Variants in AFG3L2 observed in about 807,000 individuals in gnomAD.
The protein encoded by AFG3L2 is AFG3 like matrix AAA peptidase subunit 2, also known as mitochondrial inner membrane m-AAA protease component AFG3L2.
AFG3L2 carries 54 observed loss-of-function variants against 94.5 expected under a neutral mutation model. The observed-to-expected ratio is 0.57, with a 90% confidence interval of 0.46 to 0.72. The LOEUF (loss-of-function observed/expected upper bound fraction) is 0.72. AFG3L2 is among the 30% of genes least tolerant of loss of function. AFG3L2 has a pLI of 0.00. For missense variants in AFG3L2, 754 were observed against 994.9 expected, an observed-to-expected ratio of 0.76 and a Z score of 3.26; for synonymous variants, 377 against 365.5, an observed-to-expected ratio of 1.03 and a Z score of -0.36.
intron 9 of AFG3L2, among the ~76,000 whole-genome samples, chr18:12,353,541 A>C (rs1908392039): frequency 6.7e-6 from 1 of 149,556 alleles, no homozygotes; most frequent in Admixed American, 6.7e-5. Flanking sequence ...AAAAAAAATG[A>C]AATAAATCTT....
chr18:12,366,217 T>C (rs896734215), intron 5 of AFG3L2, among the ~76,000 whole-genome samples: 1 of 152,172 alleles, frequency 6.6e-6, no homozygotes, highest in Non-Finnish European at 1.5e-5. Flanking sequence ...TATTTTAACA[T>C]CAGAAATGGA....
At chr18:12,375,240 C>A (rs1909110886) in intron 1 of AFG3L2, among the ~76,000 whole-genome samples, 1 of 148,778 alleles carries the variant, frequency 6.7e-6, no homozygotes, top group Non-Finnish European at 1.5e-5. Context: ...CACTATTATT[C>A]CCCCTCCCCA....
At chr18:12,362,998 G>C (rs1373736193) in intron 6 of AFG3L2, among the ~76,000 whole-genome samples, 1 of 152,206 alleles carries the variant, frequency 6.6e-6, no homozygotes, top group East Asian at 1.9e-4. Context: ...GAGGGAATGG[G>C]AAATCAAGAC....
rs1418449589 is a variant in AFG3L2 at position 12,344,431 on chromosome 18, T to C, written c.1664-184A>G. 9 of 597,196 alleles carry C rather than the reference T, an allele frequency of 1.5e-5. No homozygotes were observed. The East Asian group carries it at 2.6e-4, about 17-fold the overall frequency. 37.0% of individuals were successfully genotyped at this position (597,196 alleles called of 1,614,324 possible). The stretch of plus-strand genomic sequence containing the variant: ...GGCTCATGCCTGTAATCCCAGCACT[T>C]TGGGAGGCTGAGGTGGTCCAATCAC... On this transcript the variant is annotated intron_variant, in intron 13 of 16. Coordinates refer to ENST00000269143, the MANE Select transcript of AFG3L2 (RefSeq NM_006796.3).
chr18:12,370,795 C>T, intron 3 of AFG3L2, 54 bp downstream of exon 3: 2 of 1,171,030 alleles, frequency 1.7e-6, no homozygotes, highest in Non-Finnish European at 1.3e-6. Flanking sequence ...AAACTACCAC[C>T]ATTATACATG....
intron 13 of AFG3L2, 58 bp downstream of exon 13, chr18:12,348,215 C>G: frequency 6.9e-7 from 1 of 1,441,766 alleles, no homozygotes; most frequent in Non-Finnish European, 9.7e-7. Flanking sequence ...CAGAGAAATC[C>G]CTGGCCTCAA....
At chr18:12,336,721 C>G (rs1013509626) in intron 16 of AFG3L2, among the ~76,000 whole-genome samples, 1 of 152,134 alleles carries the variant, frequency 6.6e-6, no homozygotes, top group African/African-American at 2.4e-5. Context: ...ATAGAATATT[C>G]AAAGTTTTTT....
At chr18:12,356,667 G>A in intron 9 of AFG3L2, 27 bp downstream of exon 9, 1 of 1,613,970 alleles carries the variant, frequency 6.2e-7, no homozygotes, top group South Asian at 1.1e-5. Context: ...CAAGGAAGCT[G>A]TACCATCCGA....
chr18:12,341,640 A>G (rs1907956372), intron 14 of AFG3L2: 1 of 152,242 alleles, frequency 6.6e-6, no homozygotes, highest in Admixed American at 6.5e-5. Flanking sequence ...TGCTACAAAC[A>G]TACCAAATAT....
chr18:12,332,026 C>T (rs777091281), intron 16 of AFG3L2, among the ~76,000 whole-genome samples: 33 of 151,118 alleles, frequency 2.2e-4, no homozygotes, highest in Non-Finnish European at 4.1e-4. Flanking sequence ...GGAAGTGTGA[C>T]GGTATCATGA....
chr18:12,332,123 A>ATTTTTTTTTT (rs10689491), intron 16 of AFG3L2, among the ~76,000 whole-genome samples: 3 of 131,702 alleles, frequency 2.3e-5, no homozygotes, highest in African/African-American at 8.6e-5. Context: ...TCATAAAATG[A>ATTTTTTTTTT]TTTTTTTTTT....
intron 1 of AFG3L2, among the ~76,000 whole-genome samples, chr18:12,373,730 C>T (rs1483639314): frequency 6.6e-6 from 1 of 152,100 alleles, no homozygotes; most frequent in Non-Finnish European, 1.5e-5. Context: ...CATCAAAACA[C>T]GGTGGGAGAA....
intron 6 of AFG3L2, among the ~76,000 whole-genome samples, chr18:12,362,957 C>T (rs1256733887): frequency 6.6e-6 from 1 of 152,116 alleles, no homozygotes; most frequent in African/African-American, 2.4e-5. Context: ...GGATAAAGCA[C>T]GGTTATTAAT....
At chr18:12,360,774 C>T (rs1284917559) in intron 6 of AFG3L2, among the ~76,000 whole-genome samples, 1 of 152,174 alleles carries the variant, frequency 6.6e-6, no homozygotes, top group Non-Finnish European at 1.5e-5. Context: ...CTCCTGTTTC[C>T]ATTCTACAGA....
At position 12,365,871 on chromosome 18, in the gene AFG3L2, C is replaced by CTTTT. The variant is rs576247423; in HGVS notation, c.552+1090_552+1093dup. On this transcript the variant is annotated intron_variant, in intron 5 of 16. Coordinates refer to ENST00000269143, the MANE Select transcript of AFG3L2 (RefSeq NM_006796.3). ...TGTCTATCACTACACTGCATCAATT[C>CTTTT]TTTTTTTTTTTTTTTTTTTTTGAGA... is the stretch of plus-strand genomic sequence containing the variant. 8.6e-4 allele frequency among the ~76,000 whole-genome samples: 98 copies of CTTTT among 113,772 alleles called. 1 individual carries two copies. Among genetic ancestry groups the CTTTT allele is most frequent in the African/African-American group, 2.3e-3 (63 of 27,944 alleles). 74.6% of individuals were successfully genotyped at this position (113,772 alleles called of 152,430 possible). A position where few individuals can be genotyped will look rare whatever the true frequency, so the allele number is the denominator to read the frequency against.
intron 13 of AFG3L2, 52 bp from the exon 14 acceptor site, chr18:12,344,299 A>G: frequency 7.0e-7 from 1 of 1,422,518 alleles, no homozygotes; most frequent in African/African-American, 1.4e-5. Context: ...TGACACTGAC[A>G]TTAAAAGACA....
At chr18:12,375,412 A>G (rs1345080570) in intron 1 of AFG3L2, among the ~76,000 whole-genome samples, 3 of 88,636 alleles carry the variant, frequency 3.4e-5, no homozygotes, top group Non-Finnish European at 6.8e-5. Flanking sequence ...CCCAGGTAAG[A>G]AAAAAAAAAA....
Position 12,360,352 on chromosome 18 carries a change from A to G in AFG3L2, c.628-301T>C, listed in dbSNP as rs1908622456. On this transcript the variant is annotated intron_variant, in intron 6 of 16. Transcript: ENST00000269143. ...GAAAACGTAATCCTTTTTAAAATAA[A>G]TATGCATTATTTCCCTCTTCCTCTA... The G allele has an allele frequency of 1.2e-5, 4 of 341,082 alleles. No homozygotes were observed. In the Admixed American group the frequency reaches 1.9e-4, roughly 16 times the overall value. 21.1% of individuals were successfully genotyped at this position (341,082 alleles called of 1,614,324 possible). A position where few individuals can be genotyped will look rare whatever the true frequency, so the allele number is the denominator to read the frequency against.
intron 16 of AFG3L2, among the ~76,000 whole-genome samples, chr18:12,334,344 G>C (rs1169220907): frequency 6.6e-6 from 1 of 152,180 alleles, no homozygotes; most frequent in Non-Finnish European, 1.5e-5. Flanking sequence ...CAGACACTGA[G>C]ACTGTGGATG....
Sources: allele counts gnomAD v4.1 joint callset (sites outside exome capture counted in the v4.1 genomes callset), GRCh38; gene constraint gnomAD v4.1.1; transcripts MANE v1.5; gene names NCBI Gene and HGNC (gene_info 2026-07-23, HGNC 2026-07-21).